GFPT1: variants seen among roughly 807,000 people sequenced by gnomAD.
GFPT1 encodes the protein glutamine--fructose-6-phosphate transaminase 1.
GFPT1 carries 40 observed loss-of-function variants against 92.0 expected under a neutral mutation model. That is an observed-to-expected ratio of 0.43 (90% CI 0.34 to 0.57). GFPT1 has a LOEUF of 0.57. Ranked by LOEUF, GFPT1 falls within the 20% of genes least tolerant of loss-of-function variation. The probability of loss-of-function intolerance (pLI) is 0.02; values close to 1 mark genes in which losing one functional copy is unlikely to be tolerated. For missense variants in GFPT1, 448 were observed against 869.1 expected, an observed-to-expected ratio of 0.52 and a Z score of 6.09; for synonymous variants, 269 against 280.6, an observed-to-expected ratio of 0.96 and a Z score of 0.41.
intron 1 of GFPT1, among the ~76,000 whole-genome samples, chr2:69,380,815 A>G (rs1388330999): frequency 1.3e-5 from 2 of 152,152 alleles, no homozygotes; most frequent in Non-Finnish European, 2.9e-5. Context: ...CCACTTTCGG[A>G]TGGGCCCTCC....
chr2:69,383,775 G>A (rs1020390064), intron 1 of GFPT1, among the ~76,000 whole-genome samples: 26 of 152,042 alleles, frequency 1.7e-4, no homozygotes, highest in African/African-American at 6.0e-4. Context: ...ACAGGCATGC[G>A]CCACTACGCC....
At chr2:69,374,158 T>A (rs1350077644) in intron 1 of GFPT1, 45 bp from the exon 2 acceptor site, 1 of 941,370 alleles carries the variant, frequency 1.1e-6, no homozygotes, top group Admixed American at 1.7e-5. Flanking sequence ...ATTTAAAAAA[T>A]CAAAATTAGC....
chr2:69,356,611 A>G, intron 6 of GFPT1, 54 bp from the exon 7 acceptor site: 1 of 1,284,874 alleles, frequency 7.8e-7, no homozygotes, highest in South Asian at 1.2e-5. Flanking sequence ...CAAGTCAGAA[A>G]TGCCTAGAAC....
chr2:69,329,493 A>G (rs1670608315), intron 16 of GFPT1, 69 bp from the exon 17 acceptor site: 1 of 1,229,014 alleles, frequency 8.1e-7, no homozygotes, highest in Non-Finnish European at 1.2e-6. Flanking sequence ...TTGGCAGCAA[A>G]TAACAAAAGA....
chr2:69,382,586 T>C (rs565833608), intron 1 of GFPT1, among the ~76,000 whole-genome samples: 3 of 152,366 alleles, frequency 2.0e-5, no homozygotes, highest in Non-Finnish European at 4.4e-5. Context: ...TCTACTTTTA[T>C]AGACTCTGTT....
At chr2:69,374,548 C>T (rs1254232396) in intron 1 of GFPT1, among the ~76,000 whole-genome samples, 2 of 152,006 alleles carry the variant, frequency 1.3e-5, no homozygotes, top group Non-Finnish European at 2.9e-5. Context: ...CTCCTGACCT[C>T]GTGATCTGCC....
At chr2:69,362,439 G>A (rs551864434) in intron 4 of GFPT1, among the ~76,000 whole-genome samples, 2 of 151,778 alleles carry the variant, frequency 1.3e-5, no homozygotes, top group African/African-American at 4.8e-5. Flanking sequence ...ATGTGACTTC[G>A]GAATTATGTA....
rs1574071020 is a variant in GFPT1 at position 69,359,298 on chromosome 2, G to C, written c.378C>G (p.Ile126Met). Reference protein sequence around the residue: ...NEFIVIHNGIITNYKDLKKFL... With the variant: ...NEFIVIHNGIMTNYKDLKKFL... ...ACTTTTTCAAGTCTTTGTAGTTGGT[G>C]ATGATTCCATTGTGAATAACGATAA... Residue 126 changes from isoleucine to methionine, a missense_variant, in exon 5 of 20, where the codon ATC becomes ATG. By Grantham distance (10) the Ile-to-Met change is conservative. Coordinates refer to ENST00000357308, the MANE Select transcript of GFPT1 (RefSeq NM_001244710.2). 6.3e-7 allele frequency: 1 copy of C among 1,582,662 alleles called. No homozygotes were observed. The highest frequency in any genetic ancestry group is 8.7e-7 in the Non-Finnish European group (1 of 1,152,498).
chr2:69,338,694 C>T, intron 13 of GFPT1, 129 bp from the exon 14 acceptor site: 1 of 798,284 alleles, frequency 1.3e-6, no homozygotes, highest in Non-Finnish European at 2.0e-6. Flanking sequence ...ATAAAAACAA[C>T]CCAGATTAAA....
chr2:69,338,318 A>C (rs1670853409), intron 14 of GFPT1, 127 bp downstream of exon 14: 1 of 841,892 alleles, frequency 1.2e-6, no homozygotes. Flanking sequence ...TAACATTAAA[A>C]TAAATCTGTA....
Position 69,326,012 on chromosome 2 carries a change from T to C in GFPT1, c.*177A>G, listed in dbSNP as rs1670521001. The C allele has an allele frequency of 7.0e-6, 4 of 569,068 alleles. No homozygotes were observed. Among genetic ancestry groups the C allele is most frequent in the East Asian group, 2.9e-5 (1 of 35,044 alleles). 35.3% of individuals were successfully genotyped at this position (569,068 alleles called of 1,614,324 possible). On this transcript the variant is annotated 3_prime_UTR_variant, in exon 20 of 20. Transcript: ENST00000357308. ...AGTCCTCCACAAATTACTGGGAAAATGTAAGAGGTAACTTCACAAAAATCA... is the reference window on the plus strand; with the variant it reads ...AGTCCTCCACAAATTACTGGGAAAACGTAAGAGGTAACTTCACAAAAATCA...
intron 4 of GFPT1, among the ~76,000 whole-genome samples, chr2:69,361,709 T>C (rs1002419486): frequency 6.6e-6 from 1 of 152,202 alleles, no homozygotes; most frequent in Non-Finnish European, 1.5e-5. Context: ...CTGGGTGCAG[T>C]GGTTCATGCC....
chr2:69,354,958 C>T (rs761198194), intron 7 of GFPT1, among the ~76,000 whole-genome samples: 6 of 152,122 alleles, frequency 3.9e-5, no homozygotes, highest in Admixed American at 6.5e-5. Context: ...GAGCCAAGAT[C>T]GCGCCACTGC....
Position 69,363,063 on chromosome 2 carries a change from C to T in GFPT1, c.349+482G>A, listed in dbSNP as rs376950303. Among the ~76,000 whole-genome samples, 75 of 151,964 alleles carry T rather than the reference C, an allele frequency of 4.9e-4. 2 individuals are homozygous for T. In the South Asian group the frequency reaches 0.015, roughly 31 times the overall value. On this transcript the variant is annotated intron_variant, in intron 4 of 19. Transcript: ENST00000357308. ...GAGTTCAAGACCAGCCTGGTCAACACAGTGAAACCCCGTCTCTACTAAAAA... is the reference window on the plus strand; with the variant it reads ...GAGTTCAAGACCAGCCTGGTCAACATAGTGAAACCCCGTCTCTACTAAAAA...
At chr2:69,357,188 T>C (rs1402618853) in intron 6 of GFPT1, among the ~76,000 whole-genome samples, 1 of 152,226 alleles carries the variant, frequency 6.6e-6, no homozygotes. Flanking sequence ...ATCGTCATAA[T>C]ACTATGAATT....
At chr2:69,327,306 A>G (rs950665532) in intron 18 of GFPT1, among the ~76,000 whole-genome samples, 2 of 152,246 alleles carry the variant, frequency 1.3e-5, no homozygotes, top group Non-Finnish European at 2.9e-5. Flanking sequence ...TACCAGGCTT[A>G]GTACTTGACT....
At position 69,385,853 on chromosome 2, in the gene GFPT1, C is replaced by CT. The variant is rs535765132; in HGVS notation, c.7+1211dup. On this transcript the variant is annotated intron_variant, in intron 1 of 19. Coordinates refer to ENST00000357308, the MANE Select transcript of GFPT1 (RefSeq NM_001244710.2). ...TATGTGGGTTTTTTTTTAATCTACT[C>CT]TAAATTTAAACCTGCTCCTCATTTT... is the stretch of plus-strand genomic sequence containing the variant. 4.7e-3 allele frequency among the ~76,000 whole-genome samples: 719 copies of CT among 151,806 alleles called. 10 individuals carry two copies. The highest frequency in any genetic ancestry group is 0.012 in the Admixed American group (179 of 15,250).
intron 15 of GFPT1, among the ~76,000 whole-genome samples, chr2:69,331,228 T>C (rs141267627): frequency 5.1e-4 from 78 of 152,344 alleles, no homozygotes; most frequent in Admixed American, 3.6e-3. Flanking sequence ...AGCATACATA[T>C]CTTGAATCCT....
intron 1 of GFPT1, among the ~76,000 whole-genome samples, 189 bp downstream of exon 1, chr2:69,386,876 C>T (rs1672141250): frequency 6.6e-6 from 1 of 152,224 alleles, no homozygotes; most frequent in African/African-American, 2.4e-5. Flanking sequence ...TTCTCCCGGC[C>T]GCCACCCCCT....
Sources: gnomAD v4.1 joint callset for allele counts (sites outside exome capture counted in the v4.1 genomes callset) on GRCh38, gnomAD v4.1.1 for gene constraint, MANE v1.5 for transcripts, NCBI Gene and HGNC (gene_info 2026-07-23, HGNC 2026-07-21) for gene names.